The following CNTRL variants were observed in gnomAD, a reference collection of about 807,000 sequenced individuals.
CNTRL encodes 110 kDa centrosomal protein.
CNTRL carries 233 observed loss-of-function variants against 303.7 expected under a neutral mutation model. The ratio of observed to expected loss-of-function variants is 0.77; its 90% CI spans 0.69 to 0.86. CNTRL has a LOEUF of 0.86. Among genes scored for constraint, CNTRL ranks in the 40% least tolerant of loss-of-function variants. The pLI, the probability that CNTRL is intolerant of heterozygous loss-of-function variation, is 0.00. For missense variants in CNTRL, 2,524 were observed against 2,650.6 expected (o/e 0.95, Z 1.05); for synonymous variants, 900 against 922.2 (o/e 0.98, Z 0.44).
At chr9:121,109,443 T>A (rs947855682) in intron 8 of CNTRL, among the ~76,000 whole-genome samples, 4 of 152,164 alleles carry the variant, frequency 2.6e-5, no homozygotes, top group African/African-American at 9.7e-5. Context: ...GTATAAAGCC[T>A]TCTTACTCTT....
At chr9:121,122,400 A>G (rs1203368272) in intron 12 of CNTRL, 1 of 985,050 alleles carries the variant, frequency 1.0e-6, no homozygotes, top group African/African-American at 1.7e-5. Flanking sequence ...ATCAGAAATG[A>G]AGAGACGTTT....
At chr9:121,145,137 T>A (rs1322102468) in intron 21 of CNTRL, 107 bp from the exon 22 acceptor site, 2 of 1,346,200 alleles carry the variant, frequency 1.5e-6, no homozygotes, top group Non-Finnish European at 2.0e-6. Context: ...GTTTCCTCAC[T>A]GGGAAAGTGT....
In CNTRL at chr9:121,166,602, A is replaced by G. The variant is rs149846865; in HGVS notation, c.5655+422A>G. 1.4e-3 allele frequency among the ~76,000 whole-genome samples: 209 copies of G among 152,348 alleles called. 2 individuals are homozygous for G. Among genetic ancestry groups the G allele is most frequent in the African/African-American group, 4.6e-3 (192 of 41,582 alleles). ...GCCTCTATCTTGTCAGATATTGAATATAGCAGATTTTTGACCCTCATACTT... is the reference window on the plus strand; with the variant it reads ...GCCTCTATCTTGTCAGATATTGAATGTAGCAGATTTTTGACCCTCATACTT... On this transcript the variant is annotated intron_variant, in intron 36 of 43. Coordinates refer to ENST00000373855, the MANE Select transcript of CNTRL (RefSeq NM_007018.6).
At chr9:121,098,692 G>C (rs1017443048) in intron 7 of CNTRL, 120 bp downstream of exon 7, 1 of 701,230 alleles carries the variant, frequency 1.4e-6, no homozygotes, top group East Asian at 2.8e-5. Context: ...GGAAATGGCA[G>C]CATAAATCAA....
intron 14 of CNTRL, among the ~76,000 whole-genome samples, chr9:121,134,888 T>C (rs1258081488): frequency 6.6e-6 from 1 of 152,238 alleles, no homozygotes; most frequent in African/African-American, 2.4e-5. Flanking sequence ...TTTGTTGAAC[T>C]GTCTCTGCCT....
At chr9:121,084,205 T>C (rs1284813581) in intron 2 of CNTRL, among the ~76,000 whole-genome samples, 1 of 152,204 alleles carries the variant, frequency 6.6e-6, no homozygotes, top group Non-Finnish European at 1.5e-5. Context: ...CATCTTATAA[T>C]ATTTTTTGTC....
At position 121,164,959 on chromosome 9, in the gene CNTRL, GAAGAA is replaced by G; in HGVS notation, c.5443_5447del (p.Glu1815Ter). ...CTGTGGTAGGGTTTTAGCAGCAGCA[GAAGAA>G]AATAGCAAAATGGAGCAATCAAACT... On this transcript the variant is annotated frameshift_variant, in exon 35 of 44. Transcript: ENST00000373855. LOFTEE classifies it high-confidence loss of function. 1 of 1,611,444 alleles carries G rather than the reference GAAGAA, an allele frequency of 6.2e-7. No individual in the cohort carries two copies. The highest frequency in any genetic ancestry group is 1.1e-5 in the South Asian group (1 of 90,484).
chr9:121,122,723 G>A (rs1214876241), intron 12 of CNTRL, among the ~76,000 whole-genome samples: 1 of 152,138 alleles, frequency 6.6e-6, no homozygotes, highest in African/African-American at 2.4e-5. Flanking sequence ...AAAAGGAAGG[G>A]TTAGACTAGA....
intron 7 of CNTRL, among the ~76,000 whole-genome samples, chr9:121,100,804 A>C (rs2049124601): frequency 6.6e-6 from 1 of 151,912 alleles, no homozygotes; most frequent in African/African-American, 2.4e-5. Flanking sequence ...AGATCAAAAG[A>C]GACAAAGAAG....
intron 26 of CNTRL, 84 bp from the exon 27 acceptor site, chr9:121,154,637 G>A (rs892634762): frequency 2.6e-6 from 2 of 769,596 alleles, no homozygotes; most frequent in Non-Finnish European, 4.2e-6. Context: ...GAAAATCATT[G>A]TAGATCTTTT....
At chr9:121,154,641 A>G (rs2052463562) in intron 26 of CNTRL, 80 bp from the exon 27 acceptor site, 1 of 787,890 alleles carries the variant, frequency 1.3e-6, no homozygotes, top group Non-Finnish European at 2.0e-6. Context: ...ATCATTGTAG[A>G]TCTTTTTAGT....
At chr9:121,107,205 T>A (rs974491503) in intron 7 of CNTRL, among the ~76,000 whole-genome samples, 6 of 151,958 alleles carry the variant, frequency 3.9e-5, no homozygotes, top group Non-Finnish European at 7.4e-5. Context: ...AATAGCCCAG[T>A]AGGAGGTAGA....
rs1488498883 is a variant in CNTRL at position 121,144,837 on chromosome 9, C to G, written c.3052-6C>G. On this transcript the variant is annotated splice_region_variant and splice_polypyrimidine_tract_variant and intron_variant, in intron 20 of 43. Transcript: ENST00000373855. ...TGGTGCCTTTCTCATACTTCTGTCC[C>G]AGTAGGAGTTGCAGGAAGCAGAGAG... 1 of 1,607,906 alleles carries G rather than the reference C, an allele frequency of 6.2e-7. No homozygotes were observed. The highest frequency in any genetic ancestry group is 8.5e-7 in the Non-Finnish European group (1 of 1,175,380).
intron 8 of CNTRL, among the ~76,000 whole-genome samples, chr9:121,109,585 G>A (rs2049652326): frequency 6.6e-6 from 1 of 151,918 alleles, no homozygotes; most frequent in African/African-American, 2.4e-5. Flanking sequence ...ATCTGTGTGT[G>A]TGTGTGTGTC....
intron 24 of CNTRL, 78 bp downstream of exon 24, chr9:121,148,939 G>C (rs2052040171): frequency 7.4e-7 from 1 of 1,348,948 alleles, no homozygotes; most frequent in Non-Finnish European, 1.0e-6. Context: ...AAACCCCTAA[G>C]ACACAATCCA....
rs140022802 is a variant in CNTRL at position 121,109,440 on chromosome 9, G to A, written c.1002+1445G>A. ...AAATATGTGTACATGCATGTATAAA[G>A]CCTTCTTACTCTTTTTAAAGTCTAT... On this transcript the variant is annotated intron_variant, in intron 8 of 43. Transcript: ENST00000373855. Among the ~76,000 whole-genome samples, 3 of 152,204 alleles carry A rather than the reference G, an allele frequency of 2.0e-5. No individual in the cohort carries two copies. The East Asian group carries it at 5.8e-4, about 29-fold the overall frequency.
chr9:121,102,177 C>T (rs1241624483), intron 7 of CNTRL, among the ~76,000 whole-genome samples: 2 of 152,206 alleles, frequency 1.3e-5, no homozygotes, highest in Non-Finnish European at 2.9e-5. Flanking sequence ...CCGAATCCAG[C>T]AGCACATCAA....
chr9:121,117,319 T>C (rs1425743539), intron 11 of CNTRL, among the ~76,000 whole-genome samples: 1 of 152,234 alleles, frequency 6.6e-6, no homozygotes, highest in East Asian at 1.9e-4. Context: ...ATAATAATCG[T>C]CCATATTTTA....
At chr9:121,176,393 TAGCAGCAGGGCCATC>T (rs2053525336) in intron 43 of CNTRL, among the ~76,000 whole-genome samples, 1 of 152,162 alleles carries the variant, frequency 6.6e-6, no homozygotes, top group Non-Finnish European at 1.5e-5. Flanking sequence ...GCAGGGCCAT[TAGCAGCAGGGCCATC>T]TGAATATGAT....
Sources: gnomAD v4.1 joint callset for allele counts (sites outside exome capture counted in the v4.1 genomes callset) on GRCh38, gnomAD v4.1.1 for gene constraint, MANE v1.5 for transcripts, NCBI Gene and HGNC (gene_info 2026-07-23, HGNC 2026-07-21) for gene names.